The following MCF2L2 variants were observed in gnomAD, a reference collection of about 807,000 sequenced individuals.
MCF2L2 encodes the protein MCF.2 cell line derived transforming sequence-like 2.
In MCF2L2, 102 loss-of-function variants were observed where a neutral mutation model predicts 150.2. The observed-to-expected ratio is 0.68, with a 90% CI of 0.58 to 0.80. The LOEUF is 0.80. MCF2L2 is among the 30% of genes least tolerant of loss of function. MCF2L2 has a pLI of 0.00. For synonymous variants in MCF2L2, 465 were observed against 491.3 expected (o/e 0.95, Z 0.71); for missense variants, 1,256 against 1,372.8 (o/e 0.91, Z 1.34).
rs1387778493 is a variant in MCF2L2 at position 183,216,634 on chromosome 3, T to G, written c.2371-540A>C. Reference sequence around the variant, plus strand: ...TTTTTTTTGAGAGCGAGAGAGAGTTTCACTCTGTCACCCAGGCTGGAGTGC... The same window carrying G: ...TTTTTTTTGAGAGCGAGAGAGAGTTGCACTCTGTCACCCAGGCTGGAGTGC... On this transcript the variant is annotated intron_variant, in intron 21 of 29. Transcript: ENST00000328913. Among the ~76,000 whole-genome samples, 4 of 123,808 alleles carry G rather than the reference T, an allele frequency of 3.2e-5. No homozygotes were observed. The Admixed American group carries it at 3.7e-4, about 11-fold the overall frequency. 81.2% of individuals were successfully genotyped at this position (123,808 alleles called of 152,430 possible).
rs111747914 is a variant in MCF2L2, at chr3:183,412,867, T to A, written c.76+15035A>T. 8.0e-4 allele frequency among the ~76,000 whole-genome samples: 122 copies of A among 152,332 alleles called. 1 individual carries two copies. The highest frequency in any genetic ancestry group is 1.1e-3 in the Non-Finnish European group (72 of 68,028). Reference sequence around the variant, plus strand: ...TATGATGTTAACTGTGGGCTTTTCATAAATACCCTTTATCAGGTTGAGGAA... The same window carrying A: ...TATGATGTTAACTGTGGGCTTTTCAAAAATACCCTTTATCAGGTTGAGGAA... On this transcript the variant is annotated intron_variant, in intron 1 of 29. Coordinates refer to ENST00000328913, the MANE Select transcript of MCF2L2 (RefSeq NM_015078.4).
intron 6 of MCF2L2, among the ~76,000 whole-genome samples, chr3:183,320,982 G>C (rs1056459234): frequency 6.6e-6 from 1 of 152,188 alleles, no homozygotes; most frequent in Non-Finnish European, 1.5e-5. Flanking sequence ...AGGGAGGCCC[G>C]AGGAGAGGGA....
intron 1 of MCF2L2, among the ~76,000 whole-genome samples, chr3:183,395,646 C>T (rs1714395555): frequency 1.3e-5 from 2 of 152,124 alleles, no homozygotes; most frequent in South Asian, 2.1e-4. Context: ...CGGCGGGGTG[C>T]AGTGGCTCAT....
At chr3:183,277,802 T>C (rs947606913) in intron 14 of MCF2L2, among the ~76,000 whole-genome samples, 1 of 150,922 alleles carries the variant, frequency 6.6e-6, no homozygotes, top group South Asian at 2.1e-4. Flanking sequence ...CCTTTTAAAA[T>C]AGGATGTCAG....
At chr3:183,192,978 C>G in intron 27 of MCF2L2, 21 bp downstream of exon 27, 14 of 1,596,432 alleles carry the variant, frequency 8.8e-6, no homozygotes, top group Non-Finnish European at 1.2e-5. Flanking sequence ...GTGCTCCACT[C>G]TCCCATGGGA....
chr3:183,261,703 G>A (rs553420297), intron 15 of MCF2L2, among the ~76,000 whole-genome samples: 24 of 151,612 alleles, frequency 1.6e-4, no homozygotes, highest in Non-Finnish European at 2.2e-4. Flanking sequence ...TATTTCCCCC[G>A]CAAGGAAAAA....
intron 1 of MCF2L2, among the ~76,000 whole-genome samples, chr3:183,425,227 T>C (rs943642813): frequency 1.3e-5 from 2 of 152,028 alleles, no homozygotes; most frequent in African/African-American, 4.8e-5. Flanking sequence ...CCAAGACACT[T>C]ATGGAAATAT....
In MCF2L2 at chr3:183,267,145, A is replaced by G. The variant is rs1421580927; in HGVS notation, c.1862+9727T>C. Among the ~76,000 whole-genome samples the G allele has an allele frequency of 6.6e-6, 1 of 152,090 alleles. No individual in the cohort carries two copies. Among genetic ancestry groups the G allele is most frequent in the Non-Finnish European group, 1.5e-5 (1 of 68,000 alleles). ...TTTCCCATTACACCCCTGAACACAC[A>G]CACACAGAAAACCCAAAAGTTTCAC... On this transcript the variant is annotated intron_variant, in intron 15 of 29. Coordinates refer to ENST00000328913, the MANE Select transcript of MCF2L2 (RefSeq NM_015078.4). This position sits in a 1 kb window ranked among gnomAD's most constrained non-coding sequence, Gnocchi z 5.5.
At chr3:183,222,417 G>A (rs1723182017) in intron 20 of MCF2L2, among the ~76,000 whole-genome samples, 1 of 152,160 alleles carries the variant, frequency 6.6e-6, no homozygotes, top group East Asian at 1.9e-4. Context: ...AGGCATGGCG[G>A]CGCGTGCCTG....
chr3:183,194,190 C>T lies in MCF2L2; in HGVS notation c.2918+1032G>A, dbSNP rs79308870. Among the ~76,000 whole-genome samples, 748 of 152,190 alleles carry T rather than the reference C, an allele frequency of 4.9e-3. 2 individuals carry two copies. Among genetic ancestry groups the T allele is most frequent in the Middle Eastern group, 0.01 (3 of 294 alleles). ...CTCATCTTTCTGGGTTAGGGTCTAG[C>T]GGGGGTTCCATGAGGATCAGGCTAA... On this transcript the variant is annotated intron_variant, in intron 26 of 29. Transcript: ENST00000328913.
intron 14 of MCF2L2, among the ~76,000 whole-genome samples, chr3:183,279,204 G>A (rs758635816): frequency 1.3e-5 from 2 of 151,268 alleles, no homozygotes; most frequent in Non-Finnish European, 2.9e-5. Context: ...CATTTACATC[G>A]TAACTGATGA....
At chr3:183,275,432 C>CA (rs1319174463) in intron 15 of MCF2L2, among the ~76,000 whole-genome samples, 3 of 152,178 alleles carry the variant, frequency 2.0e-5, no homozygotes, top group Non-Finnish European at 2.9e-5. Context: ...GGTGGTAGAA[C>CA]AAAAACAGTA....
At chr3:183,278,363 T>C (rs999147319) in intron 14 of MCF2L2, among the ~76,000 whole-genome samples, 1 of 151,914 alleles carries the variant, frequency 6.6e-6, no homozygotes, top group Non-Finnish European at 1.5e-5. Context: ...TATGTATGTG[T>C]GTGTGTGTGT....
intron 1 of MCF2L2, chr3:183,400,442 A>C: frequency 2.2e-6 from 1 of 456,660 alleles, no homozygotes; most frequent in Non-Finnish European, 4.4e-6. Context: ...CCAAGGTGTA[A>C]GGTGAGTATC....
chr3:183,344,295 A>G (rs748125296), intron 3 of MCF2L2, among the ~76,000 whole-genome samples: 1 of 152,218 alleles, frequency 6.6e-6, no homozygotes, highest in Non-Finnish European at 1.5e-5. Context: ...TAAAAACTCA[A>G]TAAAGGAGAT....
At chr3:183,231,303 T>G (rs1412854492) in intron 15 of MCF2L2, 2 of 549,992 alleles carry the variant, frequency 3.6e-6, no homozygotes, top group East Asian at 8.8e-5. Flanking sequence ...CCATATAGTG[T>G]GGGGGTCAAG....
chr3:183,246,863 T>A lies in MCF2L2; in HGVS notation c.1863-15846A>T, dbSNP rs895070328. Among the ~76,000 whole-genome samples the A allele has an allele frequency of 4.9e-4, 75 of 152,164 alleles. 2 individuals are homozygous for A. Among genetic ancestry groups the A allele is most frequent in the South Asian group, 4.1e-4 (2 of 4,830 alleles). On this transcript the variant is annotated intron_variant, in intron 15 of 29. Coordinates refer to ENST00000328913, the MANE Select transcript of MCF2L2 (RefSeq NM_015078.4). ...AACATTTAGATTATCATTCTTTTTT[T>A]AAAAAAACGTAATAGCTAACCCAAT...
chr3:183,205,662 A>C lies in MCF2L2; in HGVS notation c.2884+214T>G, dbSNP rs150803066. Among the ~76,000 whole-genome samples the C allele has an allele frequency of 8.5e-3, 1,291 of 152,290 alleles. 27 individuals are homozygous for C. The highest frequency in any genetic ancestry group is 0.03 in the African/African-American group (1,250 of 41,546). ...AAGTGGTGGGGGGAACACAACCAAA[A>C]GGGACAAACCAACACAACCACACAC... On this transcript the variant is annotated intron_variant, in intron 25 of 29. Transcript: ENST00000328913.
chr3:183,200,544 T>C lies in MCF2L2; in HGVS notation c.2885-5289A>G, dbSNP rs1389512214. On this transcript the variant is annotated intron_variant, in intron 25 of 29. Coordinates refer to ENST00000328913, the MANE Select transcript of MCF2L2 (RefSeq NM_015078.4). ...ATTAGCCCTTTGTCAGATGGGTAGA[T>C]TGTAAACATTTTCTCCCATTCTGTA... 2.6e-5 allele frequency among the ~76,000 whole-genome samples: 4 copies of C among 152,240 alleles called. No homozygotes were observed. In the South Asian group the frequency reaches 6.2e-4, roughly 24 times the overall value.
Sources: gnomAD v4.1 joint callset for allele counts (sites outside exome capture counted in the v4.1 genomes callset) on GRCh38, gnomAD v4.1.1 for gene constraint, Gnocchi (gnomAD v3.1) non-coding constraint, MANE v1.5 for transcripts, NCBI Gene and HGNC (gene_info 2026-07-23, HGNC 2026-07-21) for gene names.